Variants in ACTR2 observed in about 807,000 individuals in gnomAD.
ACTR2 encodes the protein actin related protein 2, also known as actin-related protein 2.
Under a neutral mutation model 50.2 loss-of-function variants are expected in ACTR2, and 5 were observed. The observed-to-expected ratio is 0.10, with a 90% CI of 0.05 to 0.21. ACTR2 has a LOEUF of 0.21. Ranked by LOEUF, ACTR2 falls within the 10% of genes least tolerant of loss-of-function variation. ACTR2 has a pLI of 1.00. For synonymous variants in ACTR2, 140 were observed against 162.9 expected, an observed-to-expected ratio of 0.86 and a Z score of 1.07; for missense variants, 180 against 480.6, an observed-to-expected ratio of 0.37 and a Z score of 5.85.
intron 2 of ACTR2, among the ~76,000 whole-genome samples, chr2:65,241,736 A>C (rs927658468): frequency 2.6e-5 from 4 of 151,916 alleles, no homozygotes; most frequent in Non-Finnish European, 4.4e-5. Flanking sequence ...TGAATTAAAG[A>C]AGCTTACTTT....
At position 65,269,718 on chromosome 2, in the gene ACTR2, C is replaced by A. The variant is rs900672802; in HGVS notation, c.*984C>A. 127 of 152,072 alleles carry A rather than the reference C, an allele frequency of 8.4e-4. No individual in the cohort carries two copies. The highest frequency in any genetic ancestry group is 2.9e-3 in the African/African-American group (120 of 41,382). 9.4% of individuals were successfully genotyped at this position (152,072 alleles called of 1,614,324 possible). A position where few individuals can be genotyped will look rare whatever the true frequency, so the allele number is the denominator to read the frequency against. ...CAAATTATTCTTTTATATAACTGAC[C>A]AGTGCTTAATAAAACAAGCAGGTAC... is the stretch of plus-strand genomic sequence containing the variant. On this transcript the variant is annotated 3_prime_UTR_variant, in exon 9 of 9. Transcript: ENST00000260641.
chr2:65,230,241 T>A (rs1255929253), intron 1 of ACTR2, among the ~76,000 whole-genome samples: 1 of 152,162 alleles, frequency 6.6e-6, no homozygotes, highest in Non-Finnish European at 1.5e-5. Context: ...AAATTGAATT[T>A]AAAATTTTTT....
rs533851888 is a variant in ACTR2, at chr2:65,255,470, A to G, written c.586-75A>G. On this transcript the variant is annotated intron_variant, in intron 5 of 8. Transcript: ENST00000260641. ...GTTTGTTATTGATGTGACATATTTA[A>G]TGAGCATTACTAGCTTTTGCAGAGT... The G allele has an allele frequency of 9.7e-4, 1,283 of 1,321,802 alleles. 2 individuals are homozygous for G. Among genetic ancestry groups the G allele is most frequent in the Non-Finnish European group, 1.2e-3 (1,188 of 965,840 alleles). The allele number at this position is 1,321,802 out of a possible 1,614,324, so 81.9% of individuals were successfully genotyped here. A position where few individuals can be genotyped will look rare whatever the true frequency, so the allele number is the denominator to read the frequency against.
At chr2:65,247,598 A>T (rs954507847) in intron 3 of ACTR2, among the ~76,000 whole-genome samples, 2 of 152,184 alleles carry the variant, frequency 1.3e-5, no homozygotes, top group Non-Finnish European at 2.9e-5. Flanking sequence ...AAAAAAAAAT[A>T]AAAAATCATA....
intron 2 of ACTR2, among the ~76,000 whole-genome samples, chr2:65,246,018 C>T (rs1416147790): frequency 6.6e-6 from 1 of 151,962 alleles, no homozygotes; most frequent in African/African-American, 2.4e-5. Context: ...TGTATGTATG[C>T]ATTATTATAG....
intron 1 of ACTR2, among the ~76,000 whole-genome samples, chr2:65,232,486 C>T (rs1217408194): frequency 6.6e-6 from 1 of 152,130 alleles, no homozygotes; most frequent in Admixed American, 6.5e-5. Flanking sequence ...TTGGTTTCAT[C>T]TTGCAAAATG....
chr2:65,259,933 G>A (rs1047708527), intron 6 of ACTR2, among the ~76,000 whole-genome samples: 2 of 152,078 alleles, frequency 1.3e-5, no homozygotes, highest in Non-Finnish European at 1.5e-5. Context: ...TGACTGACAA[G>A]ATTTTTTTGT....
In ACTR2 at chr2:65,251,437, C is replaced by T. The variant is rs140924300; in HGVS notation, c.448+338C>T. 3.2e-3 allele frequency among the ~76,000 whole-genome samples: 494 copies of T among 152,276 alleles called. 3 individuals are homozygous for T. The highest frequency in any genetic ancestry group is 0.012 in the South Asian group (59 of 4,832). ...AGTGCAATAGTGCAATCTTGGCTTA[C>T]CACAACCTCCACCTCCTGGGTTCAA... On this transcript the variant is annotated intron_variant, in intron 4 of 8. Transcript: ENST00000260641.
chr2:65,235,352 G>A (rs1328067989), intron 1 of ACTR2, among the ~76,000 whole-genome samples: 5 of 152,176 alleles, frequency 3.3e-5, no homozygotes, highest in Non-Finnish European at 7.3e-5. Flanking sequence ...CATTTTAAGG[G>A]TGGGAAGTGT....
At chr2:65,246,239 C>A in intron 2 of ACTR2, 1 of 222,792 alleles carries the variant, frequency 4.5e-6, no homozygotes, top group Non-Finnish European at 8.7e-6. Context: ...CATACAAAAC[C>A]CTCCAAAATA....
chr2:65,236,571 G>C (rs1449676036), intron 1 of ACTR2, among the ~76,000 whole-genome samples: 2 of 151,132 alleles, frequency 1.3e-5, no homozygotes, highest in Non-Finnish European at 3.0e-5. Context: ...GTTTTTTTGG[G>C]TTTTGTTTTG....
At chr2:65,241,883 G>A (rs1018508069) in intron 2 of ACTR2, 35 of 660,228 alleles carry the variant, frequency 5.3e-5, no homozygotes, top group Non-Finnish European at 9.6e-6. Flanking sequence ...TGTTAATTTG[G>A]CCCTAATTAT....
At chr2:65,248,062 A>C (rs779014447) in intron 3 of ACTR2, among the ~76,000 whole-genome samples, 5 of 152,194 alleles carry the variant, frequency 3.3e-5, no homozygotes, top group Non-Finnish European at 5.9e-5. Flanking sequence ...AGAGCAACAG[A>C]AGATGAGGTC....
chr2:65,259,964 C>T (rs966362342), intron 6 of ACTR2, among the ~76,000 whole-genome samples: 1 of 152,056 alleles, frequency 6.6e-6, no homozygotes, highest in South Asian at 2.1e-4. Flanking sequence ...AATATGATAC[C>T]TGATTTGTTT....
intron 8 of ACTR2, among the ~76,000 whole-genome samples, chr2:65,266,053 A>T (rs966840511): frequency 6.6e-6 from 1 of 152,244 alleles, no homozygotes. Context: ...AGTTTTACAT[A>T]TAATTTATAA....
In ACTR2 at chr2:65,268,932, G is replaced by A; in HGVS notation, c.*198G>A. ...GGGTAAATCTGAGTTTAATTCAACT[G>A]CTTCCCTACATAGACTAGAGGGCTA... On this transcript the variant is annotated 3_prime_UTR_variant, in exon 9 of 9. Transcript: ENST00000260641. The A allele has an allele frequency of 1.8e-6, 1 of 555,974 alleles. No individual in the cohort carries two copies. The highest frequency in any genetic ancestry group is 2.2e-5 in the South Asian group (1 of 45,906). 34.4% of individuals were successfully genotyped at this position (555,974 alleles called of 1,614,324 possible). A position where few individuals can be genotyped will look rare whatever the true frequency, so the allele number is the denominator to read the frequency against.
At position 65,228,180 on chromosome 2, in the gene ACTR2, G is replaced by C. The variant is rs574102308; in HGVS notation, c.48+223G>C. ...CTGCCACCCCCTCACCCTTCCGGGTGGGGGCGGCGGGCGAGACCGGCACTG... is the reference window on the plus strand; with the variant it reads ...CTGCCACCCCCTCACCCTTCCGGGTCGGGGCGGCGGGCGAGACCGGCACTG... On this transcript the variant is annotated intron_variant, in intron 1 of 8. Transcript: ENST00000260641. 697 of 414,076 alleles carry C rather than the reference G, an allele frequency of 1.7e-3. 2 individuals are homozygous for C. In the Middle Eastern group the frequency reaches 0.018, roughly 11 times the overall value. The allele number at this position is 414,076 out of a possible 1,614,324, so 25.7% of individuals were successfully genotyped here.
intron 4 of ACTR2, among the ~76,000 whole-genome samples, chr2:65,252,046 G>A (rs1006269728): frequency 3.3e-5 from 5 of 152,086 alleles, no homozygotes; most frequent in Non-Finnish European, 7.4e-5. Flanking sequence ...TGGGAAAAGA[G>A]TGTGGCACTG....
intron 8 of ACTR2, among the ~76,000 whole-genome samples, chr2:65,267,179 T>G (rs897386536): frequency 2.0e-5 from 3 of 151,918 alleles, no homozygotes; most frequent in Non-Finnish European, 2.9e-5. Context: ...GGTTTGTTTG[T>G]TTTTTTTAAG....
Sources: allele counts gnomAD v4.1 joint callset (sites outside exome capture counted in the v4.1 genomes callset), GRCh38; gene constraint gnomAD v4.1.1; transcripts MANE v1.5; gene names NCBI Gene and HGNC (gene_info 2026-07-23, HGNC 2026-07-21).